The following DHX30 variants were observed in gnomAD, a reference collection of about 807,000 sequenced individuals.
DHX30 encodes the protein ATP-dependent RNA helicase DHX30.
In DHX30, 4 loss-of-function variants were observed where a neutral mutation model predicts 116.9. The ratio of observed to expected loss-of-function variants is 0.03; its 90% CI spans 0.02 to 0.08. The LOEUF (loss-of-function observed/expected upper bound fraction) is 0.08, where lower values mean the gene tolerates loss of function less well. Ranked by LOEUF, DHX30 falls within the 10% of genes least tolerant of loss-of-function variation. The pLI is 1.00. For missense variants in DHX30, 871 were observed against 1,595.1 expected, an observed-to-expected ratio of 0.55 and a Z score of 7.73; for synonymous variants, 697 against 651.7, an observed-to-expected ratio of 1.07 and a Z score of -1.06.
At chr3:47,808,112 G>A (rs1032270984) in intron 2 of DHX30, among the ~76,000 whole-genome samples, 1 of 151,300 alleles carries the variant, frequency 6.6e-6, no homozygotes, top group Non-Finnish European at 1.5e-5. Context: ...GTTTCTGCAT[G>A]TTGGTCAGGC....
At chr3:47,849,135 GT>G in intron 18 of DHX30, 56 bp downstream of exon 18, 1 of 1,612,320 alleles carries the variant, frequency 6.2e-7, no homozygotes, top group Non-Finnish European at 8.5e-7. Flanking sequence ...CTGAGTTTCT[GT>G]CACCTCCAGC....
chr3:47,810,740 A>G, intron 3 of DHX30, 29 bp downstream of exon 3: 5 of 1,611,342 alleles, frequency 3.1e-6, no homozygotes, highest in Non-Finnish European at 4.2e-6. Context: ...TTGTGACCTC[A>G]TGCCCTTCCT....
At chr3:47,810,521 A>C in intron 2 of DHX30, 136 bp from the exon 3 acceptor site, 1 of 664,670 alleles carries the variant, frequency 1.5e-6, no homozygotes, top group Non-Finnish European at 2.6e-6. Flanking sequence ...ACTGGGGAGC[A>C]GCAGTTGGGG....
chr3:47,845,180 G>C (rs1433459490), intron 9 of DHX30, among the ~76,000 whole-genome samples: 2 of 152,030 alleles, frequency 1.3e-5, no homozygotes, highest in African/African-American at 4.8e-5. Flanking sequence ...AGCTTTTCTT[G>C]AATTAACTTT....
chr3:47,846,786 C>T lies in DHX30; in HGVS notation c.1714C>T (p.Leu572=), dbSNP rs747087037. The T allele has an allele frequency of 6.2e-6, 10 of 1,613,614 alleles. No homozygotes were observed. The highest frequency in any genetic ancestry group is 1.3e-5 in the African/African-American group (1 of 74,946). ...GCGGGACGTGAACACAGACTTTCTG[C>T]TGATCCTGCTCAAGGGCCTGCAGCG... ...HERDVNTDFL[L]ILLKGLQRLN... The change falls in exon 11 of 22, where the codon CTG becomes TTG. Residue 572 remains leucine (L), a synonymous_variant. Coordinates refer to ENST00000445061, the MANE Select transcript of DHX30 (RefSeq NM_138615.3).
At chr3:47,844,909 G>A (rs2037532833) in intron 9 of DHX30, among the ~76,000 whole-genome samples, 2 of 152,234 alleles carry the variant, frequency 1.3e-5, no homozygotes, top group East Asian at 1.9e-4. Flanking sequence ...CAGATGGGTC[G>A]GGTGCCATGT....
Position 47,829,021 on chromosome 3 carries a change from C to T in DHX30, c.256-3C>T, listed in dbSNP as rs2036683808. 6.3e-7 allele frequency: 1 copy of T among 1,596,292 alleles called. No homozygotes were observed. The highest frequency in any genetic ancestry group is 8.6e-7 in the Non-Finnish European group (1 of 1,166,608). On this transcript the variant is annotated splice_region_variant and splice_polypyrimidine_tract_variant and intron_variant, in intron 5 of 21. Coordinates refer to ENST00000445061, the MANE Select transcript of DHX30 (RefSeq NM_138615.3). Reference sequence around the variant, plus strand: ...CTTCTGATTTCTCTCTTCTCTTCCCCAGAAAGTCACACTGCACATAAAATG... The same window carrying T: ...CTTCTGATTTCTCTCTTCTCTTCCCTAGAAAGTCACACTGCACATAAAATG...
At chr3:47,842,279 C>G (rs2037411424) in intron 8 of DHX30, 1 of 153,724 alleles carries the variant, frequency 6.5e-6, no homozygotes, top group African/African-American at 2.4e-5. Context: ...GTAAACAGAT[C>G]CTCAGCATTT....
intron 9 of DHX30, 109 bp from the exon 10 acceptor site, chr3:47,845,591 C>G (rs999596885): frequency 3.4e-5 from 44 of 1,310,820 alleles, no homozygotes; most frequent in Non-Finnish European, 4.3e-5. Flanking sequence ...AATCCAAAAT[C>G]TCTTAGAGAT....
At chr3:47,829,840 A>AT (rs1217651218) in intron 6 of DHX30, among the ~76,000 whole-genome samples, 1 of 151,034 alleles carries the variant, frequency 6.6e-6, no homozygotes, top group Non-Finnish European at 1.5e-5. Flanking sequence ...AAATTTTTTA[A>AT]TTTTTTTTAA....
intron 3 of DHX30, 80 bp from the exon 4 acceptor site, chr3:47,817,942 G>T (rs2036131466): frequency 1.3e-6 from 1 of 780,134 alleles, no homozygotes; most frequent in African/African-American, 1.7e-5. Flanking sequence ...CCTCACGGAT[G>T]CTCTGAGTGA....
intron 10 of DHX30, 82 bp from the exon 11 acceptor site, chr3:47,846,083 C>A: frequency 6.7e-7 from 1 of 1,493,296 alleles, no homozygotes; most frequent in Non-Finnish European, 9.1e-7. Context: ...ACATCTGACC[C>A]AGGCGAATCC....
intron 3 of DHX30, among the ~76,000 whole-genome samples, chr3:47,812,801 C>CT (rs1226104205): frequency 6.6e-6 from 1 of 150,726 alleles, no homozygotes; most frequent in East Asian, 2.1e-4. Flanking sequence ...GTAGCTGGGA[C>CT]TACAGGCGTG....
chr3:47,849,378 A>C (rs1559726502), intron 19 of DHX30, 29 bp downstream of exon 19: 1 of 1,596,522 alleles, frequency 6.3e-7, no homozygotes, highest in East Asian at 2.2e-5. Flanking sequence ...AATGGAGTTC[A>C]CCAGGTCCCA....
At chr3:47,840,801 T>C (rs1161469795) in intron 6 of DHX30, 76 bp from the exon 7 acceptor site, 2 of 1,579,074 alleles carry the variant, frequency 1.3e-6, no homozygotes, top group Non-Finnish European at 1.7e-6. Flanking sequence ...AACTTAACGG[T>C]GTAGCTGGAC....
At chr3:47,816,917 TA>T (rs35281442) in intron 3 of DHX30, 625,740 of 911,132 alleles carry the variant, frequency 0.69, 204,412 homozygotes, top group African/African-American at 0.86. Flanking sequence ...TCAATTTTAA[TA>T]AAAAAAAAAA....
chr3:47,815,691 C>G (rs2036016668), intron 3 of DHX30, among the ~76,000 whole-genome samples: 1 of 119,568 alleles, frequency 8.4e-6, no homozygotes, highest in African/African-American at 3.2e-5. Context: ...CGGACTCAGG[C>G]TACAAAGAGC....
At chr3:47,804,282 C>T (rs1351752671) in intron 1 of DHX30, among the ~76,000 whole-genome samples, 1 of 152,168 alleles carries the variant, frequency 6.6e-6, no homozygotes, top group East Asian at 1.9e-4. Context: ...GGGCCGGGAG[C>T]GGTGTCTCAC....
rs865805465 is a variant in DHX30, at chr3:47,849,915, G to A, written c.3380G>A (p.Arg1127Gln). The A allele has an allele frequency of 4.3e-6, 7 of 1,613,428 alleles. No individual in the cohort carries two copies. Among genetic ancestry groups the A allele is most frequent in the South Asian group, 2.2e-5 (2 of 91,038 alleles). Reference sequence around the variant, plus strand: ...TCACTGAGCGACAGTGACCTGCTGCGGCTGGAGGGTGACTCGCGTACCGTG... The same window carrying A: ...TCACTGAGCGACAGTGACCTGCTGCAGCTGGAGGGTGACTCGCGTACCGTG... Reference protein sequence around the residue: ...TISLSDSDLLRLEGDSRTVRL... With the variant: ...TISLSDSDLLQLEGDSRTVRL... Residue 1127 changes from arginine (R) to glutamine (Q), a missense_variant, in exon 22 of 22, where the codon CGG (arginine) becomes CAG (glutamine). Arg to Gln is a conservative substitution (Grantham distance 43). This residue lies in a region of DHX30 where 238 missense variants were observed against 481.0 expected (regional missense o/e 0.49). Coordinates refer to ENST00000445061, the MANE Select transcript of DHX30 (RefSeq NM_138615.3).
Sources: gnomAD v4.1 joint callset for allele counts (sites outside exome capture counted in the v4.1 genomes callset) on GRCh38, gnomAD v4.1.1 for gene constraint, gnomAD v4.1.1 regional missense constraint, MANE v1.5 for transcripts, NCBI Gene and HGNC (gene_info 2026-07-23, HGNC 2026-07-21) for gene names.